The following NDUFA5 variants were observed in gnomAD, a reference collection of about 807,000 sequenced individuals.
NDUFA5 encodes NADH:ubiquinone oxidoreductase subunit A5.
NDUFA5 carries 11 observed loss-of-function variants against 19.8 expected under a neutral mutation model. The observed-to-expected ratio is 0.56, with a 90% CI of 0.35 to 0.92. NDUFA5 has a LOEUF of 0.92. Among genes scored for constraint, NDUFA5 ranks in the 40% least tolerant of loss-of-function variants. The pLI is 0.01. For synonymous variants in NDUFA5, 47 were observed against 46.8 expected, an observed-to-expected ratio of 1.00 and a Z score of -0.01; for missense variants, 109 against 134.2, an observed-to-expected ratio of 0.81 and a Z score of 0.93.
At chr7:123,565,557 T>G in the NDUFA5 span, among the ~76,000 whole-genome samples, 3 of 152,200 alleles carry the variant, frequency 2.0e-5, no homozygotes, top group Admixed American at 6.5e-5. Context: ...AAAATTTATA[T>G]GTTGAAGTCC....
chr7:123,574,243 A>G, the NDUFA5 span, among the ~76,000 whole-genome samples: 1 of 148,402 alleles, frequency 6.7e-6, no homozygotes, highest in African/African-American at 2.5e-5. Flanking sequence ...GCAACATTCT[A>G]CCCACTTCCA....
In NDUFA5 at chr7:123,545,618, A is replaced by G; in HGVS notation, c.242T>C (p.Ile81Thr). Residue 81 changes from isoleucine to threonine, a missense_variant, in exon 4 of 5, where the codon ATT becomes ACT. Ile to Thr is a moderately conservative substitution (Grantham distance 89). Coordinates refer to ENST00000355749, the MANE Select transcript of NDUFA5 (RefSeq NM_005000.5). The part of the protein sequence containing the change: ...QLQGGQLEEV[I>T]LQAEHELNLA... Reference sequence around the variant, plus strand: ...AGTCAACTTTTTCTTTACCTGAAGAATCACCTCTTCTAATTGACCGCCTTG... The same window carrying G: ...AGTCAACTTTTTCTTTACCTGAAGAGTCACCTCTTCTAATTGACCGCCTTG... 1 of 1,611,196 alleles carries G rather than the reference A, an allele frequency of 6.2e-7. No homozygotes were observed. The highest frequency in any genetic ancestry group is 8.5e-7 in the Non-Finnish European group (1 of 1,178,510).
chr7:123,548,382 TG>T (rs1798211387), intron 3 of NDUFA5, among the ~76,000 whole-genome samples: 1 of 152,136 alleles, frequency 6.6e-6, no homozygotes, highest in Non-Finnish European at 1.5e-5. Context: ...AGCTTATGGC[TG>T]GTGGAGACAT....
chr7:123,568,445 G>C, the NDUFA5 span, among the ~76,000 whole-genome samples: 1 of 151,860 alleles, frequency 6.6e-6, no homozygotes, highest in African/African-American at 2.4e-5. Flanking sequence ...GCTTGAACCC[G>C]GGAGGGTGGA....
At chr7:123,549,251 TG>T (rs34874717) in intron 3 of NDUFA5, among the ~76,000 whole-genome samples, 7,814 of 152,098 alleles carry the variant, frequency 0.051, 297 homozygotes, top group Non-Finnish European at 0.078. Flanking sequence ...TGAAGTATAA[TG>T]GAAGTACAAA....
Position 123,541,936 on chromosome 7 carries a change from T to TTA in NDUFA5, c.*182_*183insTA. 2.7e-6 allele frequency: 1 copy of TTA among 375,666 alleles called. No individual in the cohort carries two copies. Among genetic ancestry groups the TTA allele is most frequent in the Non-Finnish European group, 4.7e-6 (1 of 212,026 alleles). The allele number at this position is 375,666 out of a possible 1,614,324, so 23.3% of individuals were successfully genotyped here. On this transcript the variant is annotated 3_prime_UTR_variant, in exon 5 of 5. Transcript: ENST00000355749. ...TCTTTGAAACAACTTGTGTGAGTAC[T>TTA]TTATAAATCAAAAATTGATTCACAT...
Position 123,542,175 on chromosome 7 carries a change from G to A in NDUFA5, c.295C>T (p.Leu99=). The A allele has an allele frequency of 6.2e-7, 1 of 1,612,006 alleles. No homozygotes were observed. The highest frequency in any genetic ancestry group is 1.1e-5 in the South Asian group (1 of 90,898). ...NLARKMREWK[L]WEPLVEEPPA... is the part of the protein sequence containing the mutation. The stretch of plus-strand genomic sequence containing the variant: ...GGCTCTTCCACTAATGGCTCCCATA[G>A]TTTCCATTCCCTCATTTTTCTTGCC... Residue 99 remains leucine, a synonymous_variant, in exon 5 of 5, where the codon CTA becomes TTA. Coordinates refer to ENST00000355749, the MANE Select transcript of NDUFA5 (RefSeq NM_005000.5).
chr7:123,584,378 A>G, the NDUFA5 span, among the ~76,000 whole-genome samples: 1 of 151,620 alleles, frequency 6.6e-6, no homozygotes, highest in East Asian at 1.9e-4. Context: ...CAGAAATTAG[A>G]GTATCTGAGG....
At chr7:123,546,681 T>C in intron 3 of NDUFA5, 8 of 1,288,540 alleles carry the variant, frequency 6.2e-6, no homozygotes, top group Non-Finnish European at 8.1e-6. Flanking sequence ...ACACAAGACG[T>C]GATATGTTAC....
the NDUFA5 span, among the ~76,000 whole-genome samples, chr7:123,590,455 G>C: frequency 6.6e-6 from 1 of 152,134 alleles, no homozygotes; most frequent in African/African-American, 2.4e-5. Flanking sequence ...ATGGTTTTAG[G>C]TCTTACATTT....
rs533931611 is a variant in NDUFA5 at position 123,546,641 on chromosome 7, G to C, written c.184-965C>G. On this transcript the variant is annotated intron_variant, in intron 3 of 4. Coordinates refer to ENST00000355749, the MANE Select transcript of NDUFA5 (RefSeq NM_005000.5). ...TTTTCTGGCCAATAAATGGAATAAA[G>C]AGGGAGAAAATAATACATTTTGCTT... 1.5e-5 allele frequency: 19 copies of C among 1,271,190 alleles called. No homozygotes were observed. The African/African-American group carries it at 2.8e-4, about 18-fold the overall frequency. 78.7% of individuals were successfully genotyped at this position (1,271,190 alleles called of 1,614,324 possible).
At chr7:123,579,200 C>A in the NDUFA5 span, among the ~76,000 whole-genome samples, 1 of 152,042 alleles carries the variant, frequency 6.6e-6, no homozygotes, top group Non-Finnish European at 1.5e-5. Flanking sequence ...TGGCCTCCAG[C>A]TGTATCCATG....
chr7:123,575,774 T>A, the NDUFA5 span, among the ~76,000 whole-genome samples: 1 of 151,616 alleles, frequency 6.6e-6, no homozygotes, highest in Non-Finnish European at 1.5e-5. Flanking sequence ...TTTTTCCCTT[T>A]ATGAATTATT....
chr7:123,552,532 T>C (rs988380662), intron 2 of NDUFA5, among the ~76,000 whole-genome samples: 1 of 150,486 alleles, frequency 6.6e-6, no homozygotes, highest in Non-Finnish European at 1.5e-5. Context: ...AAATACCTAA[T>C]GTAGATGACG....
chr7:123,571,361 A>G, the NDUFA5 span, among the ~76,000 whole-genome samples: 2 of 152,212 alleles, frequency 1.3e-5, no homozygotes, highest in African/African-American at 4.8e-5. Context: ...TCAATCTATG[A>G]GTTAAGGAAG....
At chr7:123,559,142 T>C, upstream of NDUFA5, among the ~76,000 whole-genome samples, 1 of 152,040 alleles carries the variant, frequency 6.6e-6, no homozygotes, top group East Asian at 1.9e-4. Context: ...CTAATAGCCT[T>C]GCTGAAATAA....
intron 2 of NDUFA5, chr7:123,555,764 TAG>T (rs1251229948): frequency 6.6e-6 from 1 of 152,176 alleles, no homozygotes; most frequent in African/African-American, 2.4e-5. Flanking sequence ...TACATTCTAG[TAG>T]AGACATAACA....
chr7:123,566,952 G>A, the NDUFA5 span: 3 of 152,186 alleles, frequency 2.0e-5, no homozygotes, highest in African/African-American at 2.4e-5. Flanking sequence ...ATTGTAGGAT[G>A]TATTCTAGAA....
chr7:123,545,561 TTG>T, intron 4 of NDUFA5, 48 bp downstream of exon 4: 2 of 1,409,132 alleles, frequency 1.4e-6, no homozygotes, highest in Non-Finnish European at 2.0e-6. Context: ...AGAACGTCAG[TTG>T]TGTGTCTCTA....
Sources: allele counts gnomAD v4.1 joint callset (sites outside exome capture counted in the v4.1 genomes callset), GRCh38; gene constraint gnomAD v4.1.1; transcripts MANE v1.5; gene names NCBI Gene and HGNC (gene_info 2026-07-23, HGNC 2026-07-21).